Variants in SMTNL1 observed in about 807,000 individuals in gnomAD.
SMTNL1 encodes the protein smoothelin like 1, also known as smoothelin-like protein 1.
In SMTNL1, 41 loss-of-function variants were observed where a neutral mutation model predicts 46.6. The observed-to-expected ratio is 0.88, with a 90% CI of 0.69 to 1.14. The LOEUF (loss-of-function observed/expected upper bound fraction) is 1.14, where lower values mean the gene tolerates loss of function less well. SMTNL1 is among the 50% of genes most tolerant of loss of function. SMTNL1 has a pLI of 0.00. For missense variants in SMTNL1, 591 were observed against 626.1 expected, an observed-to-expected ratio of 0.94 and a Z score of 0.60; for synonymous variants, 234 against 234.2, an observed-to-expected ratio of 1.00 and a Z score of 0.01.
chr11:57,546,592 A>G lies in SMTNL1; in HGVS notation c.1280A>G (p.Tyr427Cys), dbSNP rs1417527927. ...IHKFFPDAFD[Y>C]AELDPAKRRH... is the part of the protein sequence containing the mutation. The stretch of plus-strand genomic sequence containing the variant: ...AAGTTCTTCCCTGACGCCTTTGACT[A>G]CGCAGAGCTGGATCCCGCAAAGCGC... The change falls in exon 7 of 8, where the codon TAC becomes TGC. Residue 427 changes from tyrosine (Y) to cysteine (C), a missense_variant. Coordinates refer to ENST00000527972, the MANE Select transcript of SMTNL1 (RefSeq NM_001105565.3). The G allele has an allele frequency of 6.2e-7, 1 of 1,613,910 alleles. No homozygotes were observed. The highest frequency in any genetic ancestry group is 1.3e-5 in the African/African-American group (1 of 74,914).
intron 5 of SMTNL1, 88 bp downstream of exon 5, chr11:57,546,124 C>T: frequency 2.0e-6 from 3 of 1,521,476 alleles, no homozygotes; most frequent in African/African-American, 1.4e-5. Context: ...TGGGAACAGC[C>T]CAGGCCAAGG....
intron 7 of SMTNL1, among the ~76,000 whole-genome samples, chr11:57,549,567 G>A (rs1017531465): frequency 1.3e-5 from 2 of 151,630 alleles, no homozygotes; most frequent in South Asian, 4.2e-4. Context: ...CTCTGAAAAG[G>A]TCTCACTAGG....
At position 57,538,179 on chromosome 11, in the gene SMTNL1, C is replaced by A. The variant is rs377333738; in HGVS notation, c.-3+537C>A. On this transcript the variant is annotated intron_variant, in intron 1 of 7. Transcript: ENST00000527972. ...TACCCCTAGTCTAAGCAATTGAGGT[C>A]GGCCTCTCCAAGGGAGGGCCCCTGG... 8.5e-5 allele frequency among the ~76,000 whole-genome samples: 13 copies of A among 152,136 alleles called. 1 individual carries two copies. The highest frequency in any genetic ancestry group is 2.0e-4 in the Admixed American group (3 of 15,274).
chr11:57,547,134 TA>T (rs35605523), intron 7 of SMTNL1, among the ~76,000 whole-genome samples: 3 of 151,692 alleles, frequency 2.0e-5, no homozygotes, highest in African/African-American at 4.8e-5. Flanking sequence ...ACTTTGTCTT[TA>T]AAAAAAAATT....
In SMTNL1 at chr11:57,543,604, G is replaced by A. The variant is rs908378738; in HGVS notation, c.733-20G>A. 19 of 1,603,470 alleles carry A rather than the reference G, an allele frequency of 1.2e-5. No homozygotes were observed. The highest frequency in any genetic ancestry group is 4.5e-5 in the East Asian group (2 of 44,626). ...AGGTGCTGTGTGACCATGAGCTCAC[G>A]CAGATCATGCTCATTCCAGGAGCCA... On this transcript the variant is annotated intron_variant, in intron 2 of 7. Transcript: ENST00000527972.
At position 57,545,952 on chromosome 11, in the gene SMTNL1, C is replaced by T. The variant is rs762638937; in HGVS notation, c.989C>T (p.Ala330Val). 7 of 1,613,522 alleles carry T rather than the reference C, an allele frequency of 4.3e-6. No homozygotes were observed. In the African/African-American group the frequency reaches 8.0e-5, roughly 18 times the overall value. The change falls in exon 5 of 8, where the codon GCA becomes GTA. Residue 330 changes from alanine (A) to valine (V), a missense_variant. By Grantham distance (64) the Ala-to-Val change is moderately conservative (BLOSUM62 0). Transcript: ENST00000527972. ...TCCTCAGGGGAGAAGAAGGAGAAGG[C>T]ACCAGAGCGCAGGGTATCAGCCCCT... ...SPSSGEKKEK[A>V]PERRVSAPAR...
At chr11:57,539,384 C>T (rs1224169236) in intron 1 of SMTNL1, among the ~76,000 whole-genome samples, 3 of 152,062 alleles carry the variant, frequency 2.0e-5, no homozygotes, top group African/African-American at 7.2e-5. Flanking sequence ...CTGGAGCACT[C>T]AGCTATGTCT....
rs1358680285 is a variant in SMTNL1, at chr11:57,543,363, G to T, written c.721G>T (p.Ala241Ser). 1.2e-6 allele frequency: 2 copies of T among 1,613,420 alleles called. No individual in the cohort carries two copies. Among genetic ancestry groups the T allele is most frequent in the Admixed American group, 3.3e-5 (2 of 59,980 alleles). ...EADAKEEAED[A>S]EEAEPGSPSE... ...TGATGCAAAAGAGGAGGCGGAGGATGCAGAGGAGGCAGTGAGTGAGGCAGG... is the reference window on the plus strand; with the variant it reads ...TGATGCAAAAGAGGAGGCGGAGGATTCAGAGGAGGCAGTGAGTGAGGCAGG... The change falls in exon 2 of 8, where the codon GCA becomes TCA. Residue 241 changes from alanine to serine, a missense_variant. Coordinates refer to ENST00000527972, the MANE Select transcript of SMTNL1 (RefSeq NM_001105565.3).
rs1426928192 is a variant in SMTNL1, at chr11:57,543,934, C to G, written c.917+14C>G. The G allele has an allele frequency of 6.4e-7, 1 of 1,573,476 alleles. No homozygotes were observed. The highest frequency in any genetic ancestry group is 1.9e-5 in the Admixed American group (1 of 54,024). ...TCCTTCAGCCAGGTAATGTCAAACT[C>G]TGGGGCTCCAGCTCCAATTCCCCCT... On this transcript the variant is annotated intron_variant, in intron 4 of 7. Transcript: ENST00000527972.
intron 7 of SMTNL1, among the ~76,000 whole-genome samples, 178 bp downstream of exon 7, chr11:57,546,830 A>C (rs1944927159): frequency 6.6e-6 from 1 of 152,160 alleles, no homozygotes; most frequent in Non-Finnish European, 1.5e-5. Flanking sequence ...AGTGGGTGAA[A>C]AAGACAAAAA....
At position 57,550,257 on chromosome 11, in the gene SMTNL1, T is replaced by A; in HGVS notation, c.*145T>A. On this transcript the variant is annotated 3_prime_UTR_variant, in exon 8 of 8. Transcript: ENST00000527972. ...GCGTTGGTTTTAACTGCATTAAAAG[T>A]ACTTTTGTAAAATCCTGTCTGGCCC... The A allele has an allele frequency of 1.2e-6, 1 of 830,544 alleles. No individual in the cohort carries two copies. The highest frequency in any genetic ancestry group is 1.9e-6 in the Non-Finnish European group (1 of 540,468). 51.4% of individuals were successfully genotyped at this position (830,544 alleles called of 1,614,324 possible). A position where few individuals can be genotyped will look rare whatever the true frequency, so the allele number is the denominator to read the frequency against.
chr11:57,542,111 A>ACACACACAC (rs1491501897), intron 1 of SMTNL1, among the ~76,000 whole-genome samples: 33 of 87,976 alleles, frequency 3.8e-4, no homozygotes, highest in African/African-American at 1.4e-3. Flanking sequence ...CTACAAAAAA[A>ACACACACAC]AAACACACAC....
chr11:57,543,433 C>G, intron 2 of SMTNL1, 59 bp downstream of exon 2: 1 of 1,573,338 alleles, frequency 6.4e-7, no homozygotes, highest in African/African-American at 1.4e-5. Context: ...TGGAAGCAAG[C>G]CCCCTCTGCT....
At chr11:57,543,456 G>A in intron 2 of SMTNL1, 82 bp downstream of exon 2, 1 of 1,547,370 alleles carries the variant, frequency 6.5e-7, no homozygotes, top group Non-Finnish European at 8.7e-7. Context: ...AGTCAGTTGG[G>A]AAAGTCCAGT....
rs1454193750 is a variant in SMTNL1, at chr11:57,549,995, G to A, written c.1368G>A (p.Leu456=). 6.2e-7 allele frequency: 1 copy of A among 1,613,874 alleles called. No homozygotes were observed. The highest frequency in any genetic ancestry group is 1.3e-5 in the African/African-American group (1 of 74,912). Residue 456 remains leucine, a synonymous_variant, in exon 8 of 8, where the codon CTG becomes CTA. Coordinates refer to ENST00000527972, the MANE Select transcript of SMTNL1 (RefSeq NM_001105565.3). ...AEKLADCAQL[L]DVDDMVRLAV... is the part of the protein sequence containing the mutation. ...AACTGGCTGACTGTGCTCAGCTGCT[G>A]GACGTGGATGACATGGTGCGGTTGG...
intron 7 of SMTNL1, among the ~76,000 whole-genome samples, chr11:57,548,229 G>A (rs570279026): frequency 6.6e-6 from 1 of 152,262 alleles, no homozygotes; most frequent in Non-Finnish European, 1.5e-5. Flanking sequence ...TAGAAAAAGA[G>A]GACTTGTTGC....
chr11:57,542,845 GGGAAGCAAAT>G lies in SMTNL1; in HGVS notation c.207_216del (p.Glu69AspfsTer2). 1 of 1,613,290 alleles carries G rather than the reference GGGAAGCAAAT, an allele frequency of 6.2e-7. No homozygotes were observed. Among genetic ancestry groups the G allele is most frequent in the Non-Finnish European group, 8.5e-7 (1 of 1,179,590 alleles). ...GACGGCATGTCAGCAGAACTCCAGG[GGGAAGCAAAT>G]GGATTAGATGAGGTCAAAGTGGAAT... is the stretch of plus-strand genomic sequence containing the variant. On this transcript the variant is annotated frameshift_variant, in exon 2 of 8. Transcript: ENST00000527972. LOFTEE classifies it high-confidence loss of function.
chr11:57,542,508 G>A, intron 1 of SMTNL1, 133 bp from the exon 2 acceptor site: 1 of 989,534 alleles, frequency 1.0e-6, no homozygotes, highest in Non-Finnish European at 1.5e-6. Flanking sequence ...TTCGTGATTG[G>A]GCCCCATGTC....
Position 57,550,062 on chromosome 11 carries a change from C to A in SMTNL1, c.1435C>A (p.Leu479Met), listed in dbSNP as rs1284042622. The A allele has an allele frequency of 6.2e-7, 1 of 1,613,946 alleles. No homozygotes were observed. Among genetic ancestry groups the A allele is most frequent in the South Asian group, 1.1e-5 (1 of 91,074 alleles). ...GTGCGTCTACACATACATCCAGGAA[C>A]TGTACCGCAGCCTTGTGCAGAAAGG... Reference protein sequence around the residue: ...SKCVYTYIQELYRSLVQKGLV... With the variant: ...SKCVYTYIQEMYRSLVQKGLV... Residue 479 changes from leucine to methionine, a missense_variant, in exon 8 of 8, where the codon CTG becomes ATG. Leu to Met is a conservative substitution (Grantham distance 15). Transcript: ENST00000527972.
Sources: gnomAD v4.1 joint callset for allele counts (sites outside exome capture counted in the v4.1 genomes callset) on GRCh38, gnomAD v4.1.1 for gene constraint, MANE v1.5 for transcripts, NCBI Gene and HGNC (gene_info 2026-07-23, HGNC 2026-07-21) for gene names.